ERBB2: variants seen among roughly 807,000 people sequenced by gnomAD.
ERBB2 encodes the protein receptor tyrosine-protein kinase erbB-2.
In ERBB2, 61 loss-of-function variants were observed where a neutral mutation model predicts 149.0. The observed-to-expected ratio is 0.41, with a 90% CI of 0.33 to 0.51. The LOEUF (loss-of-function observed/expected upper bound fraction) is 0.51, where lower values mean the gene tolerates loss of function less well. Ranked by LOEUF, ERBB2 falls within the 20% of genes least tolerant of loss-of-function variation. ERBB2 has a pLI of 0.25. For synonymous variants in ERBB2, 633 were observed against 678.8 expected (o/e 0.93, Z 1.05); for missense variants, 1,205 against 1,655.1 (o/e 0.73, Z 4.72).
upstream of ERBB2, among the ~76,000 whole-genome samples, chr17:39,695,704 TACACACAC>T (rs56249643): frequency 0.036 from 3,474 of 96,626 alleles, 70 homozygotes; most frequent in Middle Eastern, 0.062. Flanking sequence ...GGTGCATGCA[TACACACAC>T]ACACACACAC....
intron 15 of ERBB2, among the ~76,000 whole-genome samples, chr17:39,719,120 G>A (rs979057188): frequency 8.5e-5 from 13 of 152,112 alleles, no homozygotes; most frequent in East Asian, 1.9e-4. Flanking sequence ...AATTAGCCAG[G>A]CGTGGTGGTG....
chr17:39,699,701 C>G (rs1215463653), upstream of ERBB2: 2 of 755,138 alleles, frequency 2.6e-6, no homozygotes, highest in African/African-American at 3.5e-5. Flanking sequence ...ATGCAAGCTC[C>G]CCAGGAAAGT....
upstream of ERBB2, among the ~76,000 whole-genome samples, chr17:39,692,283 C>T (rs533270873): frequency 7.9e-5 from 12 of 151,668 alleles, no homozygotes; most frequent in African/African-American, 1.7e-4. Flanking sequence ...GTGTTATGCG[C>T]GTAGTATTAT....
rs1338456618 is a variant in ERBB2, at chr17:39,717,745, ATATAT to A, written c.1898+268_1898+272del. On this transcript the variant is annotated intron_variant, in intron 15 of 26. Coordinates refer to ENST00000269571, the MANE Select transcript of ERBB2 (RefSeq NM_004448.4). ...TTCTAATATGTATATATAAGTTAAC[ATATAT>A]TAATATTATTCTCCAGTTATTTTTA... The A allele has an allele frequency of 1.4e-5, 4 of 280,656 alleles. No individual in the cohort carries two copies. The Admixed American group carries it at 1.5e-4, about 10-fold the overall frequency. 17.4% of individuals were successfully genotyped at this position (280,656 alleles called of 1,614,324 possible).
intron 12 of ERBB2, 76 bp downstream of exon 12, chr17:39,716,015 G>A (rs1420539795): frequency 2.9e-5 from 41 of 1,429,982 alleles, no homozygotes; most frequent in Non-Finnish European, 3.2e-5. Flanking sequence ...TGGCAGCAGC[G>A]TTCTTGGACT....
At chr17:39,702,359 C>T (rs1167721618) in intron 1 of ERBB2, among the ~76,000 whole-genome samples, 1 of 152,120 alleles carries the variant, frequency 6.6e-6, no homozygotes, top group Non-Finnish European at 1.5e-5. Flanking sequence ...GGGGTGAGGT[C>T]TGGGGCAGGA....
At chr17:39,706,072 T>C (rs186516113) in intron 1 of ERBB2, among the ~76,000 whole-genome samples, 1 of 152,328 alleles carries the variant, frequency 6.6e-6, no homozygotes, top group Admixed American at 6.5e-5. Context: ...CCTCCTCTAG[T>C]ATTCCTGACC....
chr17:39,724,183 A>G (rs2059604866), intron 19 of ERBB2, among the ~76,000 whole-genome samples, 173 bp downstream of exon 19: 1 of 149,994 alleles, frequency 6.7e-6, no homozygotes, highest in Non-Finnish European at 1.5e-5. Context: ...CAGTGGCGTT[A>G]TCTCGGCTCA....
chr17:39,697,349 G>GTTTTTTTTTTTTTTTTTTTT (rs1452125824), upstream of ERBB2, among the ~76,000 whole-genome samples: 2 of 132,338 alleles, frequency 1.5e-5, no homozygotes, highest in African/African-American at 5.7e-5. Flanking sequence ...TTGTTTTTTT[G>GTTTTTTTTTTTTTTTTTTTT]TTTTGTTTTT....
chr17:39,699,515 C>T, upstream of ERBB2: 2 of 1,532,660 alleles, frequency 1.3e-6, no homozygotes, highest in Non-Finnish European at 1.7e-6. Flanking sequence ...TTTGTAGACC[C>T]TCTTAAGATC....
At chr17:39,719,865 T>C (rs2059354291) in intron 16 of ERBB2, 31 bp downstream of exon 16, 1 of 1,611,568 alleles carries the variant, frequency 6.2e-7, no homozygotes, top group Admixed American at 1.7e-5. Flanking sequence ...GTACCCTTCA[T>C]TGCCCTTCAC....
intron 15 of ERBB2, chr17:39,717,790 A>AACAC (rs67643218): frequency 0.014 from 2,335 of 171,976 alleles, 41 homozygotes; most frequent in African/African-American, 0.043. Context: ...TGCACATTTT[A>AACAC]ACACACACAC....
chr17:39,697,645 C>T (rs557454784), upstream of ERBB2, among the ~76,000 whole-genome samples: 4 of 152,092 alleles, frequency 2.6e-5, no homozygotes, highest in South Asian at 2.1e-4. Context: ...CATGAGCCAC[C>T]GCACCCAGCC....
upstream of ERBB2, among the ~76,000 whole-genome samples, chr17:39,691,874 T>C (rs141452477): frequency 1.8e-3 from 237 of 128,128 alleles, 2 homozygotes; most frequent in Middle Eastern, 3.9e-3. Flanking sequence ...ATGATAGATA[T>C]AGATATAGAT....
In ERBB2 at chr17:39,726,750, C is replaced by T; in HGVS notation, c.2971-65C>T. The T allele has an allele frequency of 1.3e-6, 2 of 1,588,264 alleles. No individual in the cohort carries two copies. The highest frequency in any genetic ancestry group is 1.1e-5 in the South Asian group (1 of 90,572). ...GAGAGATGAGTCCAGTATGCCAGGC[C>T]CCTCACGGAAGGCTGCATGCTGGGC... On this transcript the variant is annotated intron_variant, in intron 24 of 26. Transcript: ENST00000269571. This position sits in a 1 kb window ranked among gnomAD's most constrained non-coding sequence, Gnocchi z 5.1.
intron 16 of ERBB2, 42 bp downstream of exon 16, chr17:39,719,876 T>TCCCC: frequency 6.3e-7 from 1 of 1,594,842 alleles, no homozygotes; most frequent in Non-Finnish European, 8.6e-7. Flanking sequence ...TGCCCTTCAC[T>TCCCC]CCCCCACTGG....
intron 16 of ERBB2, among the ~76,000 whole-genome samples, chr17:39,722,944 C>T (rs964883814): frequency 3.3e-5 from 5 of 152,066 alleles, no homozygotes; most frequent in South Asian, 2.1e-4. Context: ...AGGCTGGTCT[C>T]GAACTCCTGA....
chr17:39,711,802 C>A, intron 7 of ERBB2, 126 bp from the exon 8 acceptor site: 1 of 1,111,492 alleles, frequency 9.0e-7, no homozygotes, highest in South Asian at 1.4e-5. Context: ...ATGTCAGGTG[C>A]TGATGCGTGG....
intron 16 of ERBB2, among the ~76,000 whole-genome samples, chr17:39,722,810 G>C (rs930622535): frequency 6.6e-6 from 1 of 151,802 alleles, no homozygotes; most frequent in African/African-American, 2.4e-5. Flanking sequence ...CTTGTCTCCC[G>C]GGTTCAAGCG....
Sources: gnomAD v4.1 joint callset for allele counts (sites outside exome capture counted in the v4.1 genomes callset) on GRCh38, gnomAD v4.1.1 for gene constraint, Gnocchi (gnomAD v3.1) non-coding constraint, MANE v1.5 for transcripts, NCBI Gene and HGNC (gene_info 2026-07-23, HGNC 2026-07-21) for gene names.